TNS3: variants seen among roughly 807,000 people sequenced by gnomAD.
TNS3 encodes the protein tensin 3, also known as tensin-3.
Under a neutral mutation model 140.9 loss-of-function variants are expected in TNS3, and 45 were observed. That is an observed-to-expected ratio of 0.32 (90% CI 0.25 to 0.41). TNS3 has a LOEUF of 0.41. TNS3 is among the 10% of genes least tolerant of loss of function. The pLI, the probability that TNS3 is intolerant of heterozygous loss-of-function variation, is 1.00. For synonymous variants in TNS3, 815 were observed against 788.4 expected, an observed-to-expected ratio of 1.03 and a Z score of -0.56; for missense variants, 1,716 against 1,906.7, an observed-to-expected ratio of 0.90 and a Z score of 1.86.
At position 47,302,269 on chromosome 7, in the gene TNS3, C is replaced by T; in HGVS notation, c.3461G>A (p.Ser1154Asn). 6.2e-7 allele frequency: 1 copy of T among 1,613,882 alleles called. No homozygotes were observed. Among genetic ancestry groups the T allele is most frequent in the Non-Finnish European group, 8.5e-7 (1 of 1,179,718 alleles). Reference sequence around the variant, plus strand: ...CACGATCACAAGTTTATCACCTGGACTATCTGTAAAGCAAAATTTAAAAAC... The same window carrying T: ...CACGATCACAAGTTTATCACCTGGATTATCTGTAAAGCAAAATTTAAAAAC... ...ASEAASPLPD[S>N]PGDKLVIVKF... Residue 1154 changes from serine (S) to asparagine (N), a missense_variant, in exon 23 of 31, where the codon AGT becomes AAT. By Grantham distance (46) the Ser-to-Asn change is conservative. Around this residue, in one of 3 missense-constraint regions of TNS3, gnomAD observed 1,163 missense variants for 1,182.1 expected, o/e 0.98. Transcript: ENST00000311160.
At chr7:47,464,660 G>C (rs1221178785) in intron 4 of TNS3, among the ~76,000 whole-genome samples, 1 of 152,140 alleles carries the variant, frequency 6.6e-6, no homozygotes, top group East Asian at 1.9e-4. Flanking sequence ...TAAGTTCCCA[G>C]GTTTATGCTG....
chr7:47,332,494 C>T (rs1788397673), intron 20 of TNS3, among the ~76,000 whole-genome samples: 1 of 152,212 alleles, frequency 6.6e-6, no homozygotes, highest in African/African-American at 2.4e-5. Context: ...CCGGATTCCA[C>T]ACCAGCCACA....
intron 3 of TNS3, among the ~76,000 whole-genome samples, chr7:47,487,885 C>A (rs1451456084): frequency 2.6e-5 from 4 of 152,130 alleles, no homozygotes; most frequent in Non-Finnish European, 5.9e-5. Flanking sequence ...GATGGCAGTA[C>A]TTTCTTTCCT....
chr7:47,382,904 T>C (rs1485840488), intron 16 of TNS3, among the ~76,000 whole-genome samples: 5 of 152,170 alleles, frequency 3.3e-5, no homozygotes, highest in South Asian at 2.1e-4. Flanking sequence ...AAAAGACTTG[T>C]TGAGTTTCCC....
At chr7:47,467,387 C>A (rs1247181310) in intron 4 of TNS3, among the ~76,000 whole-genome samples, 2 of 152,222 alleles carry the variant, frequency 1.3e-5, no homozygotes, top group East Asian at 3.8e-4. Context: ...CCAAATATGA[C>A]AAGGTTTCCG....
At chr7:47,389,062 A>G (rs375954727) in intron 16 of TNS3, among the ~76,000 whole-genome samples, 16,017 of 55,056 alleles carry the variant, frequency 0.29, 4,394 homozygotes, top group East Asian at 0.55. Context: ...AAGAAGAAGA[A>G]GAAGAAGAAG....
intron 22 of TNS3, among the ~76,000 whole-genome samples, chr7:47,302,667 C>T (rs1049813544): frequency 3.3e-5 from 5 of 152,174 alleles, no homozygotes; most frequent in Admixed American, 3.3e-4. Context: ...GCCATGTTCC[C>T]AAGTGACATG....
At position 47,368,819 on chromosome 7, in the gene TNS3, G is replaced by T; in HGVS notation, c.1827C>A (p.Ala609=). 6.2e-7 allele frequency: 1 copy of T among 1,612,140 alleles called. No individual in the cohort carries two copies. Residue 609 remains alanine (A), a synonymous_variant, in exon 17 of 31, where the codon GCC becomes GCA. Coordinates refer to ENST00000311160, the MANE Select transcript of TNS3 (RefSeq NM_022748.12). ...HQYSFAPDGE[A]RLVSRCPADN... ...CTGCAGGGCAGCGGCTCACCAGCCG[G>T]GCCTCCCCATCTGGGGCGAAGCTAT...
chr7:47,438,080 C>T (rs1367397921), intron 6 of TNS3, among the ~76,000 whole-genome samples: 1 of 151,314 alleles, frequency 6.6e-6, no homozygotes, highest in African/African-American at 2.4e-5. Flanking sequence ...AATGTTCCAG[C>T]AGCAAGGAGC....
At chr7:47,425,513 T>C (rs1262382005) in intron 9 of TNS3, among the ~76,000 whole-genome samples, 1 of 152,178 alleles carries the variant, frequency 6.6e-6, no homozygotes, top group Non-Finnish European at 1.5e-5. Context: ...CAGAATACTA[T>C]AAAATGGACA....
chr7:47,434,175 A>G (rs1025297178), intron 8 of TNS3, among the ~76,000 whole-genome samples: 2 of 152,206 alleles, frequency 1.3e-5, no homozygotes, highest in Admixed American at 1.3e-4. Context: ...ACCATCCACA[A>G]GCCAGCCTAC....
intron 3 of TNS3, among the ~76,000 whole-genome samples, chr7:47,491,043 C>A (rs184132673): frequency 1.3e-5 from 2 of 152,082 alleles, no homozygotes; most frequent in East Asian, 3.9e-4. Flanking sequence ...AGATTTCAGC[C>A]GCCGATGGTG....
At chr7:47,471,152 G>A (rs1475933025) in intron 4 of TNS3, among the ~76,000 whole-genome samples, 1 of 152,100 alleles carries the variant, frequency 6.6e-6, no homozygotes, top group African/African-American at 2.4e-5. Flanking sequence ...GAGAGGAGAC[G>A]GTGAAATCAA....
At chr7:47,285,662 T>G (rs187752297) in intron 27 of TNS3, among the ~76,000 whole-genome samples, 33 of 152,352 alleles carry the variant, frequency 2.2e-4, no homozygotes, top group Admixed American at 1.8e-3. Flanking sequence ...TGGCGATATT[T>G]ATCAGGTGGA....
At chr7:47,425,172 C>T (rs993854319) in intron 9 of TNS3, among the ~76,000 whole-genome samples, 1 of 152,098 alleles carries the variant, frequency 6.6e-6, no homozygotes, top group East Asian at 1.9e-4. Flanking sequence ...TAAAAATTAC[C>T]GCGGCATGAT....
intron 2 of TNS3, 138 bp downstream of exon 2, chr7:47,528,898 G>A (rs1799294074): frequency 2.6e-6 from 1 of 383,292 alleles, no homozygotes; most frequent in South Asian, 2.5e-5. Flanking sequence ...AAGGGGGTAG[G>A]GGGTTGGGGG....
At chr7:47,485,195 C>T (rs1006621365) in intron 3 of TNS3, among the ~76,000 whole-genome samples, 5 of 152,174 alleles carry the variant, frequency 3.3e-5, no homozygotes, top group African/African-American at 7.2e-5. Context: ...GCTGCAGGGG[C>T]GTGAAAGGAT....
At chr7:47,442,188 A>T (rs1620852) in intron 4 of TNS3, 133 bp from the exon 5 acceptor site, 186,451 of 456,874 alleles carry the variant, frequency 0.41, 39,045 homozygotes, top group Non-Finnish European at 0.42. Flanking sequence ...TCGTAACTAC[A>T]AGCCCACCTT....
At chr7:47,511,866 C>T (rs538613126) in intron 2 of TNS3, among the ~76,000 whole-genome samples, 134 of 152,312 alleles carry the variant, frequency 8.8e-4, no homozygotes, top group Non-Finnish European at 1.8e-3. Context: ...GCCTGCCGGC[C>T]GCTGCACCTC....
Sources: allele counts gnomAD v4.1 joint callset (sites outside exome capture counted in the v4.1 genomes callset), GRCh38; gene constraint gnomAD v4.1.1; regional missense constraint gnomAD v4.1.1; transcripts MANE v1.5; gene names NCBI Gene and HGNC (gene_info 2026-07-23, HGNC 2026-07-21).